Variants in GRIA1 observed in about 807,000 individuals in gnomAD.
GRIA1 encodes the protein glutamate receptor 1.
Under a neutral mutation model 99.2 loss-of-function variants are expected in GRIA1, and 31 were observed. The observed-to-expected ratio is 0.31, with a 90% CI of 0.23 to 0.42. The LOEUF is 0.42. Among genes scored for constraint, GRIA1 ranks in the 10% least tolerant of loss-of-function variants. The pLI, the probability that GRIA1 is intolerant of heterozygous loss-of-function variation, is 1.00. For missense variants in GRIA1, 782 were observed against 1,157.5 expected (o/e 0.68, Z 4.71); for synonymous variants, 438 against 432.4 (o/e 1.01, Z -0.16).
intron 2 of GRIA1, among the ~76,000 whole-genome samples, chr5:153,633,754 G>T (rs1383548330): frequency 6.6e-6 from 1 of 152,162 alleles, no homozygotes; most frequent in Non-Finnish European, 1.5e-5. Context: ...TTCATATAAA[G>T]AACCTGCAGC....
chr5:153,799,874 C>G (rs1765890730), intron 14 of GRIA1, among the ~76,000 whole-genome samples: 1 of 152,122 alleles, frequency 6.6e-6, no homozygotes, highest in Admixed American at 6.6e-5. Flanking sequence ...ATAGAACATG[C>G]CTTTCCACCC....
chr5:153,597,253 G>T (rs777131787), intron 2 of GRIA1, among the ~76,000 whole-genome samples: 1 of 152,164 alleles, frequency 6.6e-6, no homozygotes, highest in Non-Finnish European at 1.5e-5. Flanking sequence ...CTCTTAGTAC[G>T]TTCAGGGACT....
intron 2 of GRIA1, among the ~76,000 whole-genome samples, chr5:153,522,692 T>C (rs972212282): frequency 7.9e-5 from 12 of 152,162 alleles, no homozygotes; most frequent in Non-Finnish European, 2.9e-5. Context: ...ACACCCTGGC[T>C]CTAAAGCCTT....
chr5:153,697,703 T>G (rs1758214488), intron 8 of GRIA1, among the ~76,000 whole-genome samples: 2 of 152,150 alleles, frequency 1.3e-5, no homozygotes. Context: ...AAAGAGGGGT[T>G]TGACCCTGTG....
At chr5:153,677,740 A>T (rs1054657695) in intron 7 of GRIA1, among the ~76,000 whole-genome samples, 2 of 152,236 alleles carry the variant, frequency 1.3e-5, no homozygotes, top group African/African-American at 4.8e-5. Flanking sequence ...TCCAGATACA[A>T]CAGAGAGAAG....
chr5:153,784,668 G>T (rs1764858451), intron 13 of GRIA1, among the ~76,000 whole-genome samples: 1 of 152,038 alleles, frequency 6.6e-6, no homozygotes, highest in African/African-American at 2.4e-5. Flanking sequence ...ATTTTCTTTT[G>T]CTTGGTCACT....
chr5:153,582,861 C>T (rs967803704), intron 2 of GRIA1, among the ~76,000 whole-genome samples: 6 of 152,094 alleles, frequency 3.9e-5, no homozygotes, highest in Admixed American at 1.3e-4. Flanking sequence ...TTCAGTGGCA[C>T]GATCACAGCT....
At position 153,680,334 on chromosome 5, in the gene GRIA1, C is replaced by T. The variant is rs993371388; in HGVS notation, c.1029+3173C>T. Among the ~76,000 whole-genome samples, 3 of 152,052 alleles carry T rather than the reference C, an allele frequency of 2.0e-5. No individual in the cohort carries two copies. The East Asian group carries it at 5.8e-4, about 29-fold the overall frequency. Reference sequence around the variant, plus strand: ...GGGAGTCATTCAGAATATTAATGAACCCACATCCTGGAGGCCCTCAGCACT... The same window carrying T: ...GGGAGTCATTCAGAATATTAATGAATCCACATCCTGGAGGCCCTCAGCACT... On this transcript the variant is annotated intron_variant, in intron 7 of 15. Coordinates refer to ENST00000285900, the MANE Select transcript of GRIA1 (RefSeq NM_000827.4).
At chr5:153,796,107 G>A (rs1765630494) in intron 14 of GRIA1, among the ~76,000 whole-genome samples, 1 of 150,490 alleles carries the variant, frequency 6.6e-6, no homozygotes, top group South Asian at 2.1e-4. Context: ...CACATTCAAG[G>A]GCCATTGAAT....
At chr5:153,621,360 G>A (rs1767030532) in intron 2 of GRIA1, among the ~76,000 whole-genome samples, 1 of 152,142 alleles carries the variant, frequency 6.6e-6, no homozygotes, top group African/African-American at 2.4e-5. Context: ...CCAGCATTTG[G>A]GGAGGTAAAG....
chr5:153,643,002 T>A (rs1386775594), intron 2 of GRIA1, among the ~76,000 whole-genome samples: 2 of 152,122 alleles, frequency 1.3e-5, no homozygotes, highest in Admixed American at 6.5e-5. Context: ...GAGGCACAAC[T>A]CCTGCAGAGT....
At chr5:153,794,555 G>T in intron 13 of GRIA1, 66 bp from the exon 14 acceptor site, 1 of 1,079,892 alleles carries the variant, frequency 9.3e-7, no homozygotes, top group East Asian at 2.4e-5. Context: ...CGATCCCTTG[G>T]GTCACGTGAC....
intron 11 of GRIA1, among the ~76,000 whole-genome samples, chr5:153,723,796 G>A (rs1440376187): frequency 2.6e-5 from 4 of 151,754 alleles, no homozygotes; most frequent in African/African-American, 7.3e-5. Flanking sequence ...TGCCTCTGTA[G>A]GCTCCACCTC....
chr5:153,753,351 C>T (rs980685242), intron 11 of GRIA1, among the ~76,000 whole-genome samples: 3 of 152,148 alleles, frequency 2.0e-5, no homozygotes, highest in Admixed American at 1.3e-4. Flanking sequence ...CCAAAGGTTC[C>T]GCTGGGCTTT....
At chr5:153,799,976 T>C (rs1011787779) in intron 14 of GRIA1, among the ~76,000 whole-genome samples, 32 of 152,286 alleles carry the variant, frequency 2.1e-4, no homozygotes, top group African/African-American at 7.0e-4. Flanking sequence ...GATACCCTCT[T>C]AGGGCCTTTT....
rs761521056 is a variant in GRIA1, at chr5:153,493,957, G to C, written c.112G>C (p.Glu38Gln). 6.2e-7 allele frequency: 1 copy of C among 1,614,014 alleles called. No homozygotes were observed. Among genetic ancestry groups the C allele is most frequent in the Non-Finnish European group, 8.5e-7 (1 of 1,179,946 alleles). Residue 38 changes from glutamate to glutamine, a missense_variant, in exon 2 of 16, where the codon GAA becomes CAA. Coordinates refer to ENST00000285900, the MANE Select transcript of GRIA1 (RefSeq NM_000827.4). ...ATTATTTCCAAACCAGCAGTCACAG[G>C]AACATGCTGCTTTTAGATTTGCTTT... ...GGLFPNQQSQ[E>Q]HAAFRFALSQ...
chr5:153,778,638 T>G (rs1364731237), intron 13 of GRIA1, among the ~76,000 whole-genome samples: 1 of 138,174 alleles, frequency 7.2e-6, no homozygotes, highest in African/African-American at 2.8e-5. Context: ...GATTATTTAA[T>G]CATCACCCCC....
At chr5:153,518,696 G>A (rs1307177910) in intron 2 of GRIA1, among the ~76,000 whole-genome samples, 2 of 152,142 alleles carry the variant, frequency 1.3e-5, no homozygotes. Flanking sequence ...CAAATATTAT[G>A]CAAGTATTTT....
intron 2 of GRIA1, among the ~76,000 whole-genome samples, chr5:153,564,185 G>T (rs977427074): frequency 6.6e-6 from 1 of 152,126 alleles, no homozygotes; most frequent in African/African-American, 2.4e-5. Flanking sequence ...TTGAGAGATT[G>T]CCCTATAAAC....
Sources: allele counts gnomAD v4.1 joint callset (sites outside exome capture counted in the v4.1 genomes callset), GRCh38; gene constraint gnomAD v4.1.1; transcripts MANE v1.5; gene names NCBI Gene and HGNC (gene_info 2026-07-23, HGNC 2026-07-21).